Variants in GMDS observed in about 807,000 individuals in gnomAD.
GMDS encodes the protein GDP-mannose 4,6-dehydratase, also known as GDP-mannose 4,6 dehydratase.
Under a neutral mutation model 49.9 loss-of-function variants are expected in GMDS, and 20 were observed. That is an observed-to-expected ratio of 0.40 (90% CI 0.28 to 0.58). GMDS has a LOEUF of 0.58. Ranked by LOEUF, GMDS falls within the 20% of genes least tolerant of loss-of-function variation. The probability of loss-of-function intolerance (pLI) is 0.42; values close to 1 mark genes in which losing one functional copy is unlikely to be tolerated. For synonymous variants in GMDS, 177 were observed against 178.6 expected (o/e 0.99, Z 0.07); for missense variants, 362 against 481.4 (o/e 0.75, Z 2.32).
In GMDS at chr6:2,043,565, T is replaced by C. The variant is rs117090309; in HGVS notation, c.345+72206A>G. 135 of 152,344 alleles carry C rather than the reference T, an allele frequency of 8.9e-4. 1 individual carries two copies. In the East Asian group the frequency reaches 0.021, roughly 24 times the overall value. 9.4% of individuals were successfully genotyped at this position (152,344 alleles called of 1,614,324 possible). On this transcript the variant is annotated intron_variant, in intron 4 of 10. Transcript: ENST00000380815. ...ATGGTAAGCACTCATTTGGATATTT[T>C]GAATTAAATAAAACATATTATTAAC...
At chr6:2,215,055 ATTAAGTCT>A (rs1382296825) in intron 1 of GMDS, among the ~76,000 whole-genome samples, 1 of 152,214 alleles carries the variant, frequency 6.6e-6, no homozygotes, top group Non-Finnish European at 1.5e-5. Context: ...ACTGAATCTG[ATTAAGTCT>A]TTAAATCTAA....
intron 4 of GMDS, among the ~76,000 whole-genome samples, chr6:2,040,765 C>G (rs1195235760): frequency 6.6e-6 from 1 of 152,176 alleles, no homozygotes; most frequent in Admixed American, 6.5e-5. Context: ...GGTCATAAAA[C>G]TCTCCTTCCA....
intron 7 of GMDS, among the ~76,000 whole-genome samples, chr6:1,863,266 C>T (rs1023013456): frequency 2.0e-5 from 3 of 151,956 alleles, no homozygotes; most frequent in Non-Finnish European, 4.4e-5. Flanking sequence ...TTAGGAAAAC[C>T]CACCATAGGA....
chr6:1,865,376 T>G (rs1758396202), intron 7 of GMDS, among the ~76,000 whole-genome samples: 1 of 152,232 alleles, frequency 6.6e-6, no homozygotes, highest in African/African-American at 2.4e-5. Flanking sequence ...GAACAGAGAC[T>G]GCTGAAAATA....
At chr6:1,906,044 G>A (rs767459857) in intron 7 of GMDS, among the ~76,000 whole-genome samples, 2 of 151,470 alleles carry the variant, frequency 1.3e-5, no homozygotes, top group Non-Finnish European at 2.9e-5. Flanking sequence ...TCCAAAAAAC[G>A]ATACAATGAT....
intron 7 of GMDS, among the ~76,000 whole-genome samples, chr6:1,920,790 G>C (rs2113902516): frequency 6.6e-6 from 1 of 152,288 alleles, no homozygotes; most frequent in Non-Finnish European, 1.5e-5. Flanking sequence ...AAAGAGGAAG[G>C]GCAGAACAGG....
chr6:1,964,329 A>G lies in GMDS; in HGVS notation c.346-3363T>C, dbSNP rs1687487869. On this transcript the variant is annotated intron_variant, in intron 4 of 10. Transcript: ENST00000380815. The stretch of plus-strand genomic sequence containing the variant: ...TCCTTGACTAGTTTTTCATTTATAG[A>G]CATGCCGCCTAAACAGCTCCAAGAA... Among the ~76,000 whole-genome samples the G allele has an allele frequency of 2.6e-5, 4 of 152,202 alleles. No homozygotes were observed. In the South Asian group the frequency reaches 8.3e-4, roughly 32 times the overall value.
At chr6:2,189,163 G>T (rs940714459) in intron 1 of GMDS, among the ~76,000 whole-genome samples, 1 of 152,174 alleles carries the variant, frequency 6.6e-6, no homozygotes, top group African/African-American at 2.4e-5. Context: ...TAAGAAAAAT[G>T]AAAGAGACAG....
chr6:1,788,395 C>A (rs964521218), intron 7 of GMDS, among the ~76,000 whole-genome samples: 2 of 152,190 alleles, frequency 1.3e-5, no homozygotes, highest in Non-Finnish European at 2.9e-5. Context: ...TGGCTTAATT[C>A]TGGGGGCATT....
At chr6:1,667,558 G>A (rs982808722) in intron 9 of GMDS, among the ~76,000 whole-genome samples, 1 of 152,184 alleles carries the variant, frequency 6.6e-6, no homozygotes, top group African/African-American at 2.4e-5. Flanking sequence ...AAGGGGATTT[G>A]CTGGGTATCT....
chr6:1,663,184 CTG>C (rs1764135119), intron 9 of GMDS, among the ~76,000 whole-genome samples: 2 of 152,178 alleles, frequency 1.3e-5, no homozygotes, highest in African/African-American at 4.8e-5. Flanking sequence ...AGAACATGCA[CTG>C]ATAAGGAAAG....
chr6:2,229,408 C>CAAAAAAA (rs1210456971), intron 1 of GMDS, among the ~76,000 whole-genome samples: 5 of 89,266 alleles, frequency 5.6e-5, no homozygotes, highest in African/African-American at 1.1e-4. Flanking sequence ...CCTGTTTCTA[C>CAAAAAAA]AAAAAAAAAA....
intron 9 of GMDS, among the ~76,000 whole-genome samples, chr6:1,646,644 A>G (rs1315669042): frequency 6.6e-6 from 1 of 152,110 alleles, no homozygotes; most frequent in Non-Finnish European, 1.5e-5. Flanking sequence ...TTGGCCTCCC[A>G]AAGTGCTGAA....
intron 4 of GMDS, among the ~76,000 whole-genome samples, chr6:1,963,811 A>G (rs1036473382): frequency 1.3e-5 from 2 of 152,218 alleles, no homozygotes; most frequent in African/African-American, 4.8e-5. Flanking sequence ...CCCTGGCCGT[A>G]GTTTCCTCAC....
intron 7 of GMDS, among the ~76,000 whole-genome samples, chr6:1,897,112 C>G (rs1206370011): frequency 6.6e-6 from 1 of 152,164 alleles, no homozygotes; most frequent in Non-Finnish European, 1.5e-5. Flanking sequence ...GGCTGCTGTA[C>G]CTGCTGCACC....
At chr6:1,966,452 C>T (rs1028254616) in intron 4 of GMDS, among the ~76,000 whole-genome samples, 3 of 151,958 alleles carry the variant, frequency 2.0e-5, no homozygotes, top group East Asian at 1.9e-4. Context: ...GCTCCCACAT[C>T]GCATATTCTT....
At chr6:2,045,350 C>T (rs562190464) in intron 4 of GMDS, among the ~76,000 whole-genome samples, 2 of 151,604 alleles carry the variant, frequency 1.3e-5, no homozygotes, top group South Asian at 2.1e-4. Context: ...TATATTACTG[C>T]TTAATGTTCT....
intron 1 of GMDS, among the ~76,000 whole-genome samples, chr6:2,129,589 A>C (rs4959635): frequency 0.16 from 23,995 of 151,962 alleles, 4,322 homozygotes; most frequent in African/African-American, 0.44. Flanking sequence ...AAATAGAATA[A>C]CCCCTTCTGC....
chr6:1,767,368 C>T (rs961680890), intron 7 of GMDS, among the ~76,000 whole-genome samples: 1 of 152,176 alleles, frequency 6.6e-6, no homozygotes, highest in Non-Finnish European at 1.5e-5. Context: ...AATACCAGTT[C>T]ACCTTAAAGT....
Sources: gnomAD v4.1 joint callset for allele counts (sites outside exome capture counted in the v4.1 genomes callset) on GRCh38, gnomAD v4.1.1 for gene constraint, MANE v1.5 for transcripts, NCBI Gene and HGNC (gene_info 2026-07-23, HGNC 2026-07-21) for gene names.